The following C8orf34 variants were observed in gnomAD, a reference collection of about 807,000 sequenced individuals.
The protein encoded by C8orf34 is uncharacterized protein C8orf34.
Under a neutral mutation model 68.3 loss-of-function variants are expected in C8orf34, and 65 were observed. The ratio of observed to expected loss-of-function variants is 0.95; its 90% CI spans 0.78 to 1.17. The LOEUF (loss-of-function observed/expected upper bound fraction) is 1.17. Ranked by LOEUF, C8orf34 falls within the 50% of genes most tolerant of loss-of-function variation. The pLI is 0.00. For synonymous variants in C8orf34, 244 were observed against 241.2 expected (o/e 1.01, Z -0.11); for missense variants, 664 against 655.4 (o/e 1.01, Z -0.14).
intron 7 of C8orf34, among the ~76,000 whole-genome samples, chr8:68,606,643 G>T (rs190759714): frequency 6.6e-6 from 1 of 152,122 alleles, no homozygotes; most frequent in South Asian, 2.1e-4. Context: ...ATCAACACAG[G>T]CAACATGATA....
At chr8:68,548,751 C>A (rs1296032268) in intron 7 of C8orf34, among the ~76,000 whole-genome samples, 2 of 151,612 alleles carry the variant, frequency 1.3e-5, no homozygotes, top group Non-Finnish European at 3.0e-5. Flanking sequence ...CAAAATAACC[C>A]AAACAGAACA....
intron 8 of C8orf34, among the ~76,000 whole-genome samples, chr8:68,680,293 C>T (rs1375395964): frequency 1.3e-5 from 2 of 152,108 alleles, no homozygotes; most frequent in African/African-American, 4.8e-5. Flanking sequence ...ATACAAATGG[C>T]AAACAAGCAT....
intron 10 of C8orf34, among the ~76,000 whole-genome samples, chr8:68,772,702 C>CCTCT (rs1347550568): frequency 2.0e-5 from 3 of 147,824 alleles, no homozygotes; most frequent in African/African-American, 7.6e-5. Context: ...TCCCTCCCTC[C>CCTCT]CTCTCTTTCT....
In C8orf34 at chr8:68,331,103, C is replaced by A. The variant is rs921759928; in HGVS notation, c.91C>A (p.Arg31=). The A allele has an allele frequency of 2.7e-6, 4 of 1,495,186 alleles. No homozygotes were observed. The highest frequency in any genetic ancestry group is 2.3e-5 in the Admixed American group (1 of 44,032). 92.6% of individuals were successfully genotyped at this position (1,495,186 alleles called of 1,614,324 possible). Residue 31 remains arginine (R), a synonymous_variant, in exon 1 of 14, where the codon CGG becomes AGG. Coordinates refer to ENST00000518698, the MANE Select transcript of C8orf34 (RefSeq NM_052958.4). ...LSAPHARVAP[R]AATHARGRGR... Reference sequence around the variant, plus strand: ...AGCGCCCCACGCGCGCGTGGCTCCCCGGGCTGCCACCCACGCCCGCGGCCG... The same window carrying A: ...AGCGCCCCACGCGCGCGTGGCTCCCAGGGCTGCCACCCACGCCCGCGGCCG...
intron 7 of C8orf34, among the ~76,000 whole-genome samples, chr8:68,569,049 TTTCTC>T (rs1816687508): frequency 6.6e-6 from 1 of 152,214 alleles, no homozygotes; most frequent in Admixed American, 6.5e-5. Flanking sequence ...GACTGTCTGT[TTTCTC>T]TTCTTTTCAC....
intron 12 of C8orf34, among the ~76,000 whole-genome samples, chr8:68,796,091 A>G (rs181200367): frequency 6.6e-6 from 1 of 152,180 alleles, no homozygotes; most frequent in East Asian, 1.9e-4. Flanking sequence ...AGCCACTGTC[A>G]TTGTGAGTCT....
intron 1 of C8orf34, among the ~76,000 whole-genome samples, chr8:68,413,171 C>A (rs1028118719): frequency 6.6e-6 from 1 of 152,168 alleles, no homozygotes; most frequent in African/African-American, 2.4e-5. Flanking sequence ...AGTTCAATTG[C>A]TCTTGCAGAC....
At chr8:68,664,102 C>T (rs2196255) in intron 8 of C8orf34, among the ~76,000 whole-genome samples, 26,867 of 152,080 alleles carry the variant, frequency 0.18, 2,918 homozygotes, top group East Asian at 0.55. Flanking sequence ...TGAGCACAGA[C>T]ATTTGGGTGG....
intron 10 of C8orf34, among the ~76,000 whole-genome samples, chr8:68,775,010 G>C (rs998407285): frequency 6.8e-6 from 1 of 146,676 alleles, no homozygotes; most frequent in African/African-American, 2.6e-5. Flanking sequence ...CCAACTACTC[G>C]GGGAGGCTGA....
intron 7 of C8orf34, among the ~76,000 whole-genome samples, chr8:68,609,118 G>A (rs546303276): frequency 2.8e-4 from 42 of 152,226 alleles, no homozygotes; most frequent in Admixed American, 7.9e-4. Flanking sequence ...AGGTTGCAGT[G>A]AACTTTGATT....
chr8:68,466,760 T>TATATATATATATATATATATATAA (rs1466573601), intron 3 of C8orf34, among the ~76,000 whole-genome samples: 12 of 145,442 alleles, frequency 8.3e-5, no homozygotes, highest in African/African-American at 3.1e-4. Context: ...TATATATATA[T>TATATATATATATATATATATATAA]ATATAGATGC....
chr8:68,357,918 G>A (rs1436767107), intron 1 of C8orf34, among the ~76,000 whole-genome samples: 4 of 152,006 alleles, frequency 2.6e-5, no homozygotes, highest in South Asian at 2.1e-4. Context: ...GAAAACTCAC[G>A]GCCCTGACAT....
chr8:68,351,995 C>T (rs1393321264), intron 1 of C8orf34, among the ~76,000 whole-genome samples: 1 of 151,956 alleles, frequency 6.6e-6, no homozygotes, highest in East Asian at 1.9e-4. Context: ...TGTATATCTT[C>T]TTTGGTGAGC....
At chr8:68,369,255 T>A (rs1807449990) in intron 1 of C8orf34, among the ~76,000 whole-genome samples, 1 of 152,206 alleles carries the variant, frequency 6.6e-6, no homozygotes. Context: ...TGCCCGTAAA[T>A]CACTGTATTC....
chr8:68,764,235 T>G (rs1823105295), intron 10 of C8orf34, among the ~76,000 whole-genome samples: 2 of 152,212 alleles, frequency 1.3e-5, no homozygotes, highest in African/African-American at 2.4e-5. Context: ...CTTTCTTTTT[T>G]CTGCCAAATT....
rs79955759 is a variant in C8orf34, at chr8:68,663,451, A to G, written c.1241+22940A>G. 5.1e-3 allele frequency among the ~76,000 whole-genome samples: 772 copies of G among 152,306 alleles called. 11 individuals are homozygous for G. The highest frequency in any genetic ancestry group is 0.017 in the African/African-American group (703 of 41,556). ...TTTTTCCCCCTCTACACATCTTGGTATCTCACTAAATCTTATCTAAAAAAT... is the reference window on the plus strand; with the variant it reads ...TTTTTCCCCCTCTACACATCTTGGTGTCTCACTAAATCTTATCTAAAAAAT... On this transcript the variant is annotated intron_variant, in intron 8 of 13. Coordinates refer to ENST00000518698, the MANE Select transcript of C8orf34 (RefSeq NM_052958.4).
At chr8:68,668,842 G>A (rs1819921484) in intron 8 of C8orf34, among the ~76,000 whole-genome samples, 1 of 152,138 alleles carries the variant, frequency 6.6e-6, no homozygotes, top group East Asian at 1.9e-4. Flanking sequence ...TGTGACCTGT[G>A]AGCAGTTCTT....
At chr8:68,407,049 A>G (rs184596731) in intron 1 of C8orf34, among the ~76,000 whole-genome samples, 35 of 152,266 alleles carry the variant, frequency 2.3e-4, no homozygotes, top group Admixed American at 2.0e-3. Context: ...CTTTGCAACT[A>G]TGGATCTACA....
chr8:68,741,780 ATGT>A (rs777215158), intron 10 of C8orf34, among the ~76,000 whole-genome samples: 2 of 152,200 alleles, frequency 1.3e-5, no homozygotes, highest in Admixed American at 1.3e-4. Context: ...AGATCCATCC[ATGT>A]TGTTGTAAAT....
Sources: allele counts gnomAD v4.1 joint callset (sites outside exome capture counted in the v4.1 genomes callset), GRCh38; gene constraint gnomAD v4.1.1; transcripts MANE v1.5; gene names NCBI Gene and HGNC (gene_info 2026-07-23, HGNC 2026-07-21).